The following CDH1 variants were observed in gnomAD, a reference collection of about 807,000 sequenced individuals.
CDH1 encodes the protein cadherin 1, also known as cadherin-1.
A neutral mutation model predicts 84.5 loss-of-function variants in CDH1; 35 were observed. The observed-to-expected ratio is 0.41, with a 90% confidence interval of 0.32 to 0.55. CDH1 has a LOEUF of 0.55. CDH1 is among the 20% of genes least tolerant of loss of function. CDH1 has a pLI of 0.19. For missense variants in CDH1, 994 were observed against 1,126.6 expected (o/e 0.88, Z 1.68); for synonymous variants, 417 against 439.0 (o/e 0.95, Z 0.63).
intron 15 of CDH1, among the ~76,000 whole-genome samples, chr16:68,833,014 T>A (rs1176731525): frequency 3.3e-5 from 5 of 152,098 alleles, no homozygotes; most frequent in Admixed American, 2.6e-4. Context: ...CCCACTCTGA[T>A]CTATGGGGAC....
At chr16:68,749,963 T>C (rs1962846021) in intron 2 of CDH1, among the ~76,000 whole-genome samples, 1 of 133,782 alleles carries the variant, frequency 7.5e-6, no homozygotes, top group African/African-American at 2.8e-5. Flanking sequence ...ACTTATTTTA[T>C]TTATTTTATG....
intron 2 of CDH1, among the ~76,000 whole-genome samples, chr16:68,750,498 G>A (rs943523782): frequency 6.6e-6 from 1 of 152,062 alleles, no homozygotes; most frequent in Non-Finnish European, 1.5e-5. Flanking sequence ...TGTTCCACAT[G>A]AGCAAGATCA....
intron 2 of CDH1, among the ~76,000 whole-genome samples, chr16:68,740,219 CTG>C (rs1468963927): frequency 6.6e-6 from 1 of 152,136 alleles, no homozygotes; most frequent in African/African-American, 2.4e-5. Context: ...AACACCTCCA[CTG>C]TGTCATTCTT....
chr16:68,763,044 A>T (rs1959272277), intron 2 of CDH1, among the ~76,000 whole-genome samples: 1 of 151,676 alleles, frequency 6.6e-6, no homozygotes, highest in Non-Finnish European at 1.5e-5. Context: ...CAGCAAGGCT[A>T]TTTGCTTCCT....
At chr16:68,753,375 CT>C (rs1169119820) in intron 2 of CDH1, among the ~76,000 whole-genome samples, 2 of 151,320 alleles carry the variant, frequency 1.3e-5, no homozygotes, top group Non-Finnish European at 2.9e-5. Flanking sequence ...GAGAGGGAGT[CT>C]CCCTCTGTCA....
intron 2 of CDH1, among the ~76,000 whole-genome samples, chr16:68,766,734 C>CT (rs1046490103): frequency 1.2e-4 from 11 of 89,404 alleles, no homozygotes; most frequent in South Asian, 4.3e-4. Context: ...AGGTCTAGAA[C>CT]CCCCTTTTTT....
chr16:68,802,760 T>C (rs1009160942), intron 3 of CDH1, among the ~76,000 whole-genome samples: 4 of 152,178 alleles, frequency 2.6e-5, no homozygotes, highest in Non-Finnish European at 5.9e-5. Context: ...AGTGAGCCAC[T>C]GCGCCTGGCC....
chr16:68,807,904 T>C (rs1362255117), intron 3 of CDH1, among the ~76,000 whole-genome samples: 3 of 152,010 alleles, frequency 2.0e-5, no homozygotes, highest in Non-Finnish European at 4.4e-5. Flanking sequence ...AAGCCCTACG[T>C]CTACTAAAAA....
At chr16:68,757,966 T>A (rs1597854286) in intron 2 of CDH1, among the ~76,000 whole-genome samples, 1 of 76,056 alleles carries the variant, frequency 1.3e-5, no homozygotes, top group East Asian at 4.5e-4. Context: ...TCCAGGCTAA[T>A]CTTTTTTTTT....
intron 2 of CDH1, among the ~76,000 whole-genome samples, chr16:68,769,048 T>A (rs1391910052): frequency 6.6e-6 from 1 of 152,192 alleles, no homozygotes; most frequent in Admixed American, 6.5e-5. Context: ...CCGCCTACCC[T>A]GCCTTTTTTC....
intron 2 of CDH1, among the ~76,000 whole-genome samples, chr16:68,738,964 T>TTTTTTTTTTTTA (rs555202424): frequency 0.18 from 11,892 of 65,306 alleles, 4,612 homozygotes; most frequent in Non-Finnish European, 0.24. Context: ...TTTTTTTTTT[T>TTTTTTTTTTTTA]AAAGACAGGG....
At chr16:68,792,567 T>C (rs1364776537) in intron 2 of CDH1, among the ~76,000 whole-genome samples, 1 of 151,938 alleles carries the variant, frequency 6.6e-6, no homozygotes, top group Non-Finnish European at 1.5e-5. Flanking sequence ...TCATGACCCT[T>C]CCCCCCGGGC....
Position 68,834,754 on chromosome 16 carries a change from A to C in CDH1, c.*1255A>C, listed in dbSNP as rs1453475905. 2.2e-5 allele frequency: 5 copies of C among 231,498 alleles called. No homozygotes were observed. The highest frequency in any genetic ancestry group is 1.1e-4 in the Admixed American group (2 of 17,720). The allele number at this position is 231,498 out of a possible 1,614,324, so 14.3% of individuals were successfully genotyped here. On this transcript the variant is annotated 3_prime_UTR_variant, in exon 16 of 16. Transcript: ENST00000261769. ...TGACTTGTTCTGAGTAAGTGTGTTCATTAATGTTTATTTAGCTCTGAAGCA... is the reference window on the plus strand; with the variant it reads ...TGACTTGTTCTGAGTAAGTGTGTTCCTTAATGTTTATTTAGCTCTGAAGCA...
At chr16:68,761,038 G>C (rs139937450) in intron 2 of CDH1, among the ~76,000 whole-genome samples, 1 of 152,206 alleles carries the variant, frequency 6.6e-6, no homozygotes, top group Non-Finnish European at 1.5e-5. Context: ...CTGAACTTCC[G>C]GTCCTCGAGT....
chr16:68,773,821 G>C (rs543096022), intron 2 of CDH1, among the ~76,000 whole-genome samples: 1 of 152,360 alleles, frequency 6.6e-6, no homozygotes, highest in South Asian at 2.1e-4. Context: ...GGCTCTTCCT[G>C]TTCATATCCA....
intron 2 of CDH1, among the ~76,000 whole-genome samples, chr16:68,797,972 G>A (rs886892840): frequency 2.0e-5 from 3 of 151,708 alleles, no homozygotes; most frequent in African/African-American, 2.4e-5. Flanking sequence ...CCCGCTACTC[G>A]GGAGGCTGAA....
At chr16:68,813,600 C>A in intron 9 of CDH1, 105 bp downstream of exon 9, 1 of 1,129,436 alleles carries the variant, frequency 8.9e-7, no homozygotes, top group Non-Finnish European at 1.4e-6. Flanking sequence ...GGCAGGGGGA[C>A]AGGGTGACTT....
At chr16:68,813,259 A>G (rs1485754071) in intron 8 of CDH1, 54 bp from the exon 9 acceptor site, 2 of 1,561,970 alleles carry the variant, frequency 1.3e-6, no homozygotes, top group Non-Finnish European at 1.8e-6. Context: ...CCTGAGACTC[A>G]GCTCTGCTAG....
rs1388624889 is a variant in CDH1 at position 68,828,323 on chromosome 16, G to A, written c.2295+19G>A. 6.2e-7 allele frequency: 1 copy of A among 1,613,280 alleles called. No homozygotes were observed. The highest frequency in any genetic ancestry group is 8.5e-7 in the Non-Finnish European group (1 of 1,179,474). ...GGACCAGGTGGGTTTTGAAAACCTTGGTAGCTCAGTGGTGATCTCTTTATT... is the reference window on the plus strand; with the variant it reads ...GGACCAGGTGGGTTTTGAAAACCTTAGTAGCTCAGTGGTGATCTCTTTATT... On this transcript the variant is annotated intron_variant, in intron 14 of 15. Transcript: ENST00000261769.
Sources: gnomAD v4.1 joint callset for allele counts (sites outside exome capture counted in the v4.1 genomes callset) on GRCh38, gnomAD v4.1.1 for gene constraint, MANE v1.5 for transcripts, NCBI Gene and HGNC (gene_info 2026-07-23, HGNC 2026-07-21) for gene names.